IKBKE: variants seen among roughly 807,000 people sequenced by gnomAD.
IKBKE encodes the protein inhibitor of nuclear factor kappa-B kinase subunit epsilon.
A neutral mutation model predicts 92.1 loss-of-function variants in IKBKE; 45 were observed. That is an observed-to-expected ratio of 0.49 (90% CI 0.38 to 0.63). IKBKE has a LOEUF of 0.63. Among genes scored for constraint, IKBKE ranks in the 20% least tolerant of loss-of-function variants. The pLI, the probability that IKBKE is intolerant of heterozygous loss-of-function variation, is 0.00. For synonymous variants in IKBKE, 374 were observed against 380.3 expected, an observed-to-expected ratio of 0.98 and a Z score of 0.19; for missense variants, 700 against 932.8, an observed-to-expected ratio of 0.75 and a Z score of 3.25.
intron 16 of IKBKE, among the ~76,000 whole-genome samples, chr1:206,489,323 T>C (rs1416927428): frequency 2.1e-5 from 3 of 145,514 alleles, no homozygotes; most frequent in Non-Finnish European, 1.5e-5. Context: ...ATTGGGAAAC[T>C]AAATTTTATA....
chr1:206,493,168 C>T lies in IKBKE; in HGVS notation c.1932+49C>T, dbSNP rs372084692. ...GGTGCTCTGGGGATGCAGGCTGGGG[C>T]GCTTGTTACCCATGTCTTCCCCTCC... On this transcript the variant is annotated intron_variant, in intron 19 of 21. Transcript: ENST00000581977. The T allele has an allele frequency of 6.1e-5, 95 of 1,555,890 alleles. No homozygotes were observed. The African/African-American group carries it at 9.5e-4, about 16-fold the overall frequency.
chr1:206,484,435 G>A (rs1313987678), intron 13 of IKBKE, among the ~76,000 whole-genome samples: 6 of 152,164 alleles, frequency 3.9e-5, no homozygotes. Flanking sequence ...CATTGTCCCT[G>A]TAGAAGAAAG....
At chr1:206,495,970 C>G in intron 21 of IKBKE, 142 bp from the exon 22 acceptor site, 2 of 591,002 alleles carry the variant, frequency 3.4e-6, no homozygotes, top group Admixed American at 5.9e-5. Flanking sequence ...GGGTTCTTGT[C>G]GGGGAGTGAG....
rs781966344 is a variant in IKBKE, at chr1:206,479,060, C to G, written c.1110C>G (p.Ile370Met). 8.7e-6 allele frequency: 14 copies of G among 1,613,826 alleles called. No homozygotes were observed. Among genetic ancestry groups the G allele is most frequent in the Non-Finnish European group, 1.1e-5 (13 of 1,179,992 alleles). Residue 370 changes from isoleucine (I) to methionine (M), a missense_variant, in exon 10 of 22, where the codon ATC (isoleucine) becomes ATG (methionine). By Grantham distance (10) the Ile-to-Met change is conservative (BLOSUM62 1). Coordinates refer to ENST00000581977, the MANE Select transcript of IKBKE (RefSeq NM_014002.4). ...AGCCCAGCGTCTCAGCACAGCACATCGCCCACACGACGGCAAGCAGCCCCC... is the reference window on the plus strand; with the variant it reads ...AGCCCAGCGTCTCAGCACAGCACATGGCCCACACGACGGCAAGCAGCCCCC... ...VLEPSVSAQH[I>M]AHTTASSPLT...
chr1:206,474,940 G>A lies in IKBKE; in HGVS notation c.304G>A (p.Glu102Lys). Residue 102 changes from glutamate to lysine, a missense_variant, in exon 5 of 22, where the codon GAG becomes AAG. By Grantham distance (56) the Glu-to-Lys change is moderately conservative (BLOSUM62 1). Coordinates refer to ENST00000581977, the MANE Select transcript of IKBKE (RefSeq NM_014002.4). ...GSLLSVLESP[E>K]NAFGLPEDEF... ...CCTGCTGAGTGTGCTGGAGAGCCCT[G>A]AGAATGCCTTTGGGCTGCCTGAGGA... The A allele has an allele frequency of 6.2e-7, 1 of 1,614,144 alleles. No homozygotes were observed. Among genetic ancestry groups the A allele is most frequent in the Non-Finnish European group, 8.5e-7 (1 of 1,180,014 alleles).
At position 206,478,163 on chromosome 1, in the gene IKBKE, G is replaced by T; in HGVS notation, c.816G>T (p.Gly272=). ...TCTCCATGTCCTGGGAGGGCAGGGGGCTGCAGAGCCAGCTGGTGCCCATCC... is the reference window on the plus strand; with the variant it reads ...TCTCCATGTCCTGGGAGGGCAGGGGTCTGCAGAGCCAGCTGGTGCCCATCC... The part of the protein sequence containing the change: ...TLPITCQLSL[G]LQSQLVPILA... Residue 272 remains glycine (G), a synonymous_variant, in exon 9 of 22, where the codon GGG becomes GGT. Coordinates refer to ENST00000581977, the MANE Select transcript of IKBKE (RefSeq NM_014002.4). The surrounding 1 kb of genome is among the most constrained non-coding windows in gnomAD (Gnocchi z 4.8). The T allele has an allele frequency of 1.2e-6, 2 of 1,613,408 alleles. No individual in the cohort carries two copies. Among genetic ancestry groups the T allele is most frequent in the Non-Finnish European group, 1.7e-6 (2 of 1,179,952 alleles).
chr1:206,475,350 A>G (rs1009801969), intron 5 of IKBKE, among the ~76,000 whole-genome samples: 2 of 152,242 alleles, frequency 1.3e-5, no homozygotes, highest in African/African-American at 2.4e-5. Flanking sequence ...GATTCCACTC[A>G]TACATTCATA....
rs1553388984 is a variant in IKBKE at position 206,487,079 on chromosome 1, G to A, written c.1617-835G>A. ...CATCTTCCACCCTCATGTTCCTGGC[G>A]GGGCAGGCTCCTTCGGCTGGCAGAG... On this transcript the variant is annotated intron_variant, in intron 15 of 21. Transcript: ENST00000581977. The surrounding 1 kb of genome is among the most constrained non-coding windows in gnomAD (Gnocchi z 5.3). Among the ~76,000 whole-genome samples, 3 of 152,324 alleles carry A rather than the reference G, an allele frequency of 2.0e-5. No individual in the cohort carries two copies. The highest frequency in any genetic ancestry group is 1.9e-4 in the East Asian group (1 of 5,186).
At chr1:206,472,581 A>ACT (rs1186795712) in intron 2 of IKBKE, among the ~76,000 whole-genome samples, 28 of 129,964 alleles carry the variant, frequency 2.2e-4, no homozygotes, top group African/African-American at 8.2e-4. Context: ...ACACACACAC[A>ACT]CACTCTCACA....
chr1:206,495,391 A>T (rs922956682), intron 21 of IKBKE, among the ~76,000 whole-genome samples: 3 of 152,186 alleles, frequency 2.0e-5, no homozygotes, highest in Non-Finnish European at 2.9e-5. Context: ...GCTTGCGCAT[A>T]GGGGGGTGTG....
chr1:206,490,962 G>A lies in IKBKE; in HGVS notation c.1733+104G>A, dbSNP rs1266152575. On this transcript the variant is annotated intron_variant, in intron 17 of 21. Transcript: ENST00000581977. This position sits in a 1 kb window ranked among gnomAD's most constrained non-coding sequence, Gnocchi z 5.2. ...GAGAGGCAGTGAAGGGCCCTGTCCC[G>A]GACTGCAGCTGAGCAGAGTTGGGGA... 11 of 1,073,098 alleles carry A rather than the reference G, an allele frequency of 1.0e-5. No individual in the cohort carries two copies. Among genetic ancestry groups the A allele is most frequent in the African/African-American group, 7.7e-5 (5 of 64,732 alleles). The allele number at this position is 1,073,098 out of a possible 1,614,324, so 66.5% of individuals were successfully genotyped here. A position where few individuals can be genotyped will look rare whatever the true frequency, so the allele number is the denominator to read the frequency against.
Position 206,478,651 on chromosome 1 carries a change from T to C in IKBKE, c.993-292T>C, listed in dbSNP as rs554528493. Among the ~76,000 whole-genome samples, 1 of 152,190 alleles carries C rather than the reference T, an allele frequency of 6.6e-6. No homozygotes were observed. Among genetic ancestry groups the C allele is most frequent in the East Asian group, 1.9e-4 (1 of 5,180 alleles). The stretch of plus-strand genomic sequence containing the variant: ...ATAGTACCCTTGATTCCTGGATAAT[T>C]TTATAGAACTAGGTAAATTTTAATG... On this transcript the variant is annotated intron_variant, in intron 9 of 21. Coordinates refer to ENST00000581977, the MANE Select transcript of IKBKE (RefSeq NM_014002.4). This position sits in a 1 kb window ranked among gnomAD's most constrained non-coding sequence, Gnocchi z 4.8.
intron 17 of IKBKE, 161 bp from the exon 18 acceptor site, chr1:206,491,487 A>G (rs1665950716): frequency 1.8e-6 from 1 of 548,028 alleles, no homozygotes; most frequent in African/African-American, 1.9e-5. Flanking sequence ...CAAGTGTGTG[A>G]CCGTCCTTCC....
chr1:206,495,389 A>G lies in IKBKE; in HGVS notation c.2118-723A>G, dbSNP rs529067886. ...AATGAGATATGCAAGGTGCTTGCGC[A>G]TAGGGGGGTGTGGAGGGAAGGGCTC... On this transcript the variant is annotated intron_variant, in intron 21 of 21. Transcript: ENST00000581977. 1.5e-4 allele frequency among the ~76,000 whole-genome samples: 23 copies of G among 152,320 alleles called. No individual in the cohort carries two copies. In the South Asian group the frequency reaches 4.8e-3, roughly 32 times the overall value.
chr1:206,479,626 G>A (rs1422917060), intron 10 of IKBKE, among the ~76,000 whole-genome samples: 9 of 152,200 alleles, frequency 5.9e-5, no homozygotes, highest in Admixed American at 5.9e-4. Context: ...GGACAAGAGG[G>A]TGATTTAGTC....
chr1:206,480,378 A>G (rs1001929353), intron 12 of IKBKE, 69 bp from the exon 13 acceptor site: 14 of 1,303,832 alleles, frequency 1.1e-5, no homozygotes, highest in Non-Finnish European at 1.4e-5. Flanking sequence ...GTATCCTGGG[A>G]TGCTGTCTGC....
At chr1:206,475,426 A>G (rs4845107) in intron 5 of IKBKE, among the ~76,000 whole-genome samples, 137,079 of 152,234 alleles carry the variant, frequency 0.9, 61,992 homozygotes, top group East Asian at 1. Flanking sequence ...GTTGTTTAAT[A>G]AGTATGGTTT....
Position 206,478,217 on chromosome 1 carries a change from C to G in IKBKE, c.870C>G (p.Ala290=), listed in dbSNP as rs1490804712. ...ILANILEVEQ[A]KCWGFDQFFA... is the part of the protein sequence containing the mutation. ...CCAACATCCTGGAGGTGGAGCAGGC[C>G]AAGTGCTGGGGCTTCGACCAGTTCT... The change falls in exon 9 of 22, where the codon GCC becomes GCG. Residue 290 remains alanine (A), a synonymous_variant. Transcript: ENST00000581977. The surrounding 1 kb of genome is among the most constrained non-coding windows in gnomAD (Gnocchi z 4.8). 3.1e-6 allele frequency: 5 copies of G among 1,614,072 alleles called. No individual in the cohort carries two copies. Among genetic ancestry groups the G allele is most frequent in the Admixed American group, 1.7e-5 (1 of 60,014 alleles).
Position 206,477,663 on chromosome 1 carries a change from G to A in IKBKE, c.702-86G>A, listed in dbSNP as rs7513839. The A allele has an allele frequency of 2.6e-3, 1,981 of 770,692 alleles. 27 individuals are homozygous for A. The African/African-American group carries it at 0.031, about 12-fold the overall frequency. 47.7% of individuals were successfully genotyped at this position (770,692 alleles called of 1,614,324 possible). On this transcript the variant is annotated intron_variant, in intron 7 of 21. Coordinates refer to ENST00000581977, the MANE Select transcript of IKBKE (RefSeq NM_014002.4). ...TGGGGTAGCTGGGTGACTTGAACCT[G>A]TGCTCCGAGCCCTTTGTGCTGAGTG...
Sources: allele counts gnomAD v4.1 joint callset (sites outside exome capture counted in the v4.1 genomes callset), GRCh38; gene constraint gnomAD v4.1.1; non-coding constraint Gnocchi (gnomAD v3.1); transcripts MANE v1.5; gene names NCBI Gene and HGNC (gene_info 2026-07-23, HGNC 2026-07-21).